The following SGCD variants were observed in gnomAD, a reference collection of about 807,000 sequenced individuals.
SGCD encodes the protein sarcoglycan delta.
Under a neutral mutation model 36.6 loss-of-function variants are expected in SGCD, and 18 were observed. The ratio of observed to expected loss-of-function variants is 0.49; its 90% CI spans 0.34 to 0.73. The LOEUF (loss-of-function observed/expected upper bound fraction) is 0.73. Ranked by LOEUF, SGCD falls within the 30% of genes least tolerant of loss-of-function variation. SGCD has a pLI of 0.01. For synonymous variants in SGCD, 133 were observed against 130.6 expected (o/e 1.02, Z -0.12); for missense variants, 387 against 346.7 (o/e 1.12, Z -0.92).
intron 1 of SGCD, among the ~76,000 whole-genome samples, chr5:155,954,950 C>T (rs1042741581): frequency 3.9e-5 from 6 of 152,078 alleles, no homozygotes; most frequent in East Asian, 1.9e-4. Context: ...CAGACAGGCT[C>T]GAGACCCAAG....
At chr5:156,521,894 G>T (rs1403375121) in intron 4 of SGCD, among the ~76,000 whole-genome samples, 1 of 152,136 alleles carries the variant, frequency 6.6e-6, no homozygotes, top group East Asian at 1.9e-4. Flanking sequence ...ATACATACAT[G>T]TGTATGTTCA....
Position 155,967,191 on chromosome 5 carries a change from C to T in SGCD, c.-282+96767C>T, listed in dbSNP as rs144227544. ...GCCTGAGAACCTAGTAGATGTTGAG[C>T]TGCCTGGGGAATTGAGGCTGAGCTA... On this transcript the variant is annotated intron_variant, in intron 1 of 9. Coordinates refer to the SGCD transcript ENST00000517913. 3.8e-4 allele frequency among the ~76,000 whole-genome samples: 58 copies of T among 152,102 alleles called. 1 individual carries two copies. In the East Asian group the frequency reaches 0.01, roughly 27 times the overall value.
intron 1 of SGCD, among the ~76,000 whole-genome samples, chr5:155,943,069 T>C (rs549617492): frequency 6.6e-6 from 1 of 152,322 alleles, no homozygotes; most frequent in East Asian, 1.9e-4. Context: ...GAGGACAAAG[T>C]CCAGGTAATC....
At position 156,419,014 on chromosome 5, in the gene SGCD, T is replaced by C. The variant is rs945571279; in HGVS notation, c.192+74337T>C. On this transcript the variant is annotated intron_variant, in intron 3 of 8. Coordinates refer to ENST00000337851, the MANE Select transcript of SGCD (RefSeq NM_000337.6). ...TAACTTGTATGTTTCAGAATGCAAGTAAGCTGTCTTAACCTACTTTGTTAG... is the reference window on the plus strand; with the variant it reads ...TAACTTGTATGTTTCAGAATGCAAGCAAGCTGTCTTAACCTACTTTGTTAG... 9.8e-5 allele frequency among the ~76,000 whole-genome samples: 15 copies of C among 152,344 alleles called. No individual in the cohort carries two copies. In the East Asian group the frequency reaches 2.9e-3, roughly 29 times the overall value.
intron 2 of SGCD, among the ~76,000 whole-genome samples, chr5:156,118,510 C>T (rs142259869): frequency 2.0e-4 from 31 of 152,232 alleles, no homozygotes; most frequent in African/African-American, 7.5e-4. Context: ...TGTGTACATT[C>T]AATTCTAAAA....
chr5:155,735,624 C>A, the SGCD span, among the ~76,000 whole-genome samples: 2 of 152,176 alleles, frequency 1.3e-5, no homozygotes, highest in African/African-American at 4.8e-5. Context: ...GCTTGGTGAG[C>A]TACTTGTTTG....
intron 3 of SGCD, among the ~76,000 whole-genome samples, chr5:156,379,565 A>G (rs1770869592): frequency 6.6e-6 from 1 of 152,228 alleles, no homozygotes; most frequent in African/African-American, 2.4e-5. Flanking sequence ...TTTAATTTTT[A>G]GTGACAGAGG....
At chr5:156,656,773 T>A (rs1236139205) in intron 7 of SGCD, among the ~76,000 whole-genome samples, 6 of 152,172 alleles carry the variant, frequency 3.9e-5, no homozygotes, top group Non-Finnish European at 5.9e-5. Flanking sequence ...AATAAGGTAT[T>A]ACTCTGTTAC....
At chr5:156,164,878 A>T (rs1763175801) in intron 3 of SGCD, among the ~76,000 whole-genome samples, 1 of 152,256 alleles carries the variant, frequency 6.6e-6, no homozygotes, top group African/African-American at 2.4e-5. Context: ...AACTGTCTTC[A>T]TAAATTTATA....
At chr5:155,906,779 G>T (rs1407586052) in intron 1 of SGCD, among the ~76,000 whole-genome samples, 1 of 150,830 alleles carries the variant, frequency 6.6e-6, no homozygotes, top group Non-Finnish European at 1.5e-5. Flanking sequence ...AGTGCAAGGT[G>T]AAGCAGCAAA....
intron 3 of SGCD, among the ~76,000 whole-genome samples, chr5:156,244,051 T>C (rs1765371877): frequency 6.6e-6 from 1 of 152,204 alleles, no homozygotes; most frequent in African/African-American, 2.4e-5. Context: ...ACTCCCCTAA[T>C]TAAGTCAGCA....
chr5:155,786,997 T>C, the SGCD span, among the ~76,000 whole-genome samples: 3 of 152,212 alleles, frequency 2.0e-5, no homozygotes, highest in Admixed American at 6.5e-5. Context: ...TTCATCAGAA[T>C]GCCAGCAAAG....
intron 7 of SGCD, among the ~76,000 whole-genome samples, chr5:156,692,019 T>C (rs1183340619): frequency 6.6e-6 from 1 of 152,196 alleles, no homozygotes; most frequent in Admixed American, 6.5e-5. Flanking sequence ...GATATTAATA[T>C]GCTAGACTTT....
At chr5:156,365,878 A>G (rs899356956) in intron 3 of SGCD, among the ~76,000 whole-genome samples, 1 of 150,470 alleles carries the variant, frequency 6.6e-6, no homozygotes, top group Non-Finnish European at 1.5e-5. Context: ...ATACATTCAT[A>G]TATGCATATA....
intron 1 of SGCD, among the ~76,000 whole-genome samples, chr5:156,027,875 T>C (rs1230211456): frequency 6.6e-6 from 1 of 152,212 alleles, no homozygotes; most frequent in East Asian, 1.9e-4. Flanking sequence ...GGTGAGTGCC[T>C]GGTCTTTGCT....
At chr5:156,739,862 C>G (rs2113072977) in intron 7 of SGCD, 1 of 152,256 alleles carries the variant, frequency 6.6e-6, no homozygotes, top group East Asian at 1.9e-4. Flanking sequence ...CCTCCTGCCA[C>G]AAATGGAACT....
At chr5:156,624,355 G>A (rs1402362441) in intron 6 of SGCD, among the ~76,000 whole-genome samples, 2 of 152,216 alleles carry the variant, frequency 1.3e-5, no homozygotes, top group Non-Finnish European at 2.9e-5. Context: ...GCCAAGGCGG[G>A]TGGATCACGA....
At chr5:156,646,710 T>C (rs1454767392) in intron 6 of SGCD, among the ~76,000 whole-genome samples, 3 of 152,158 alleles carry the variant, frequency 2.0e-5, no homozygotes, top group Admixed American at 6.5e-5. Context: ...AAAACTAATA[T>C]CTTGTGCAAT....
At chr5:156,182,551 C>T (rs901076234) in intron 3 of SGCD, among the ~76,000 whole-genome samples, 3 of 152,064 alleles carry the variant, frequency 2.0e-5, no homozygotes, top group East Asian at 1.9e-4. Flanking sequence ...GAGCTGAGAT[C>T]GTGCAGCTGC....
Sources: allele counts gnomAD v4.1 joint callset (sites outside exome capture counted in the v4.1 genomes callset), GRCh38; gene constraint gnomAD v4.1.1; transcripts MANE v1.5; gene names NCBI Gene and HGNC (gene_info 2026-07-23, HGNC 2026-07-21).